The following POLQ variants were observed in gnomAD, a reference collection of about 807,000 sequenced individuals.
POLQ encodes the protein epididymis secretory sperm binding protein.
In POLQ, 233 loss-of-function variants were observed where a neutral mutation model predicts 259.2. The ratio of observed to expected loss-of-function variants is 0.90; its 90% CI spans 0.81 to 1.00. The LOEUF (loss-of-function observed/expected upper bound fraction) is 1.00, where lower values mean the gene tolerates loss of function less well. Among genes scored for constraint, POLQ ranks in the 50% least tolerant of loss-of-function variants. POLQ has a pLI of 0.00. For synonymous variants in POLQ, 1,025 were observed against 1,048.8 expected (o/e 0.98, Z 0.44); for missense variants, 2,871 against 3,051.6 (o/e 0.94, Z 1.39).
chr3:121,493,676 TC>T lies in POLQ; in HGVS notation c.2323del (p.Glu775AsnfsTer28), dbSNP rs770065085. 1 of 1,613,800 alleles carries T rather than the reference TC, an allele frequency of 6.2e-7. No individual in the cohort carries two copies. Among genetic ancestry groups the T allele is most frequent in the South Asian group, 1.1e-5 (1 of 91,066 alleles). ...FSNRLGWHNM[E>X]LLLSQFQKRL... ...CTTCTGAAATTGGGAAAGTAGTAGTTCCATGTTGTGCCAGCCCAGACGGTTG... is the reference window on the plus strand; with the variant it reads ...CTTCTGAAATTGGGAAAGTAGTAGTTCATGTTGTGCCAGCCCAGACGGTTG... On this transcript the variant is annotated frameshift_variant, in exon 15 of 30. Transcript: ENST00000264233. LOFTEE classifies it high-confidence loss of function.
chr3:121,451,624 T>C (rs965001215), intron 25 of POLQ, among the ~76,000 whole-genome samples: 8 of 152,206 alleles, frequency 5.3e-5, no homozygotes, highest in African/African-American at 1.9e-4. Context: ...CCAGCAAATG[T>C]TGCTGCCTGA....
At chr3:121,454,046 T>A (rs952486347) in intron 25 of POLQ, among the ~76,000 whole-genome samples, 5 of 152,166 alleles carry the variant, frequency 3.3e-5, no homozygotes, top group Admixed American at 6.5e-5. Context: ...GCAGAAACTC[T>A]ACAAGCCAGA....
At chr3:121,503,035 T>G (rs925275652) in intron 12 of POLQ, among the ~76,000 whole-genome samples, 14 of 152,176 alleles carry the variant, frequency 9.2e-5, no homozygotes, top group African/African-American at 3.4e-4. Context: ...AATGACAAAC[T>G]GCATATATGA....
rs541693646 is a variant in POLQ at position 121,497,397 on chromosome 3, T to C, written c.2154-465A>G. Among the ~76,000 whole-genome samples, 157 of 152,300 alleles carry C rather than the reference T, an allele frequency of 1.0e-3. 5 individuals are homozygous for C. The South Asian group carries it at 0.02, about 20-fold the overall frequency. Reference sequence around the variant, plus strand: ...AATTTATACTTAACCATATTATAAATAATATATTAGAGACTGTTTTTTAAG... The same window carrying C: ...AATTTATACTTAACCATATTATAAACAATATATTAGAGACTGTTTTTTAAG... On this transcript the variant is annotated intron_variant, in intron 13 of 29. Transcript: ENST00000264233.
At chr3:121,482,671 A>T (rs1000195330) in intron 18 of POLQ, among the ~76,000 whole-genome samples, 1 of 152,082 alleles carries the variant, frequency 6.6e-6, no homozygotes, top group African/African-American at 2.4e-5. Flanking sequence ...CAACTTCCTC[A>T]TAAGACTAGG....
intron 7 of POLQ, among the ~76,000 whole-genome samples, chr3:121,525,219 T>C (rs2048364683): frequency 6.6e-6 from 1 of 151,998 alleles, no homozygotes; most frequent in Non-Finnish European, 1.5e-5. Flanking sequence ...TGGGCACCTG[T>C]AGTCCCAGCT....
At chr3:121,491,391 C>T (rs1476892781) in intron 15 of POLQ, among the ~76,000 whole-genome samples, 8 of 123,596 alleles carry the variant, frequency 6.5e-5, no homozygotes, top group Admixed American at 4.0e-4. Flanking sequence ...AGAAAGAAAA[C>T]GAATGCTTCT....
At chr3:121,544,690 C>T (rs2048516242) in intron 2 of POLQ, 37 bp downstream of exon 2, 1 of 1,368,006 alleles carries the variant, frequency 7.3e-7, no homozygotes. Context: ...ACATTCATAT[C>T]TTAAAAATAG....
At chr3:121,506,540 A>T (rs1054568072) in intron 12 of POLQ, among the ~76,000 whole-genome samples, 1 of 152,184 alleles carries the variant, frequency 6.6e-6, no homozygotes, top group Non-Finnish European at 1.5e-5. Flanking sequence ...AAAAAATGTA[A>T]ACTAAAACTA....
chr3:121,494,170 A>C, intron 14 of POLQ: 1 of 1,044,648 alleles, frequency 9.6e-7, no homozygotes, highest in Admixed American at 1.8e-5. Flanking sequence ...TGTCGTGAAG[A>C]AGCAGGAGGC....
At chr3:121,463,524 CT>C (rs2047810483) in intron 24 of POLQ, among the ~76,000 whole-genome samples, 1 of 152,066 alleles carries the variant, frequency 6.6e-6, no homozygotes, top group African/African-American at 2.4e-5. Context: ...GCAAGTGTTT[CT>C]TTTTTGGCTT....
chr3:121,446,665 A>G (rs549331909), intron 26 of POLQ, among the ~76,000 whole-genome samples: 26 of 152,186 alleles, frequency 1.7e-4, no homozygotes, highest in Admixed American at 3.9e-4. Flanking sequence ...TTGACTCAAA[A>G]GGAGTATTAT....
At chr3:121,544,678 T>C in intron 2 of POLQ, 49 bp downstream of exon 2, 2 of 1,244,846 alleles carry the variant, frequency 1.6e-6, no homozygotes, top group Non-Finnish European at 1.2e-6. Flanking sequence ...AGAGTATTCT[T>C]TACATTCATA....
Position 121,490,121 on chromosome 3 carries a change from T to C in POLQ, c.2810A>G (p.Lys937Arg). ...ACTAAATATTGTGTTACTTTTGTTC[T>C]TTGATGTTAATTTTTTATAAGAACT... ...TKSSYKKLTSKNKSNTIFSDS... is the reference protein window; with the variant it reads ...TKSSYKKLTSRNKSNTIFSDS... Residue 937 changes from lysine (K) to arginine (R), a missense_variant, in exon 16 of 30, where the codon AAG becomes AGG. Around this residue, in one of 3 missense-constraint regions of POLQ, gnomAD observed 2,080 missense variants for 2,126.0 expected, o/e 0.98. Coordinates refer to ENST00000264233, the MANE Select transcript of POLQ (RefSeq NM_199420.4). 2 of 1,607,336 alleles carry C rather than the reference T, an allele frequency of 1.2e-6. No individual in the cohort carries two copies. Among genetic ancestry groups the C allele is most frequent in the Non-Finnish European group, 1.7e-6 (2 of 1,175,436 alleles).
chr3:121,461,649 CAA>C (rs61467705), intron 24 of POLQ, among the ~76,000 whole-genome samples: 48 of 77,928 alleles, frequency 6.2e-4, no homozygotes, highest in Middle Eastern at 0.014. Context: ...GACTCCGTCT[CAA>C]AAAAAAAAAA....
At position 121,539,435 on chromosome 3, in the gene POLQ, A is replaced by G; in HGVS notation, c.629T>C (p.Leu210Ser). Residue 210 changes from leucine to serine, a missense_variant and splice_region_variant, in exon 4 of 30, where the codon TTA becomes TCA. Around this residue, in one of 3 missense-constraint regions of POLQ, gnomAD observed 783 missense variants for 906.2 expected, o/e 0.86. Transcript: ENST00000264233. ...TACTTATTTTCTAACTTTCTTACCT[A>G]ACAGATCCATCTTATTTTCCTCTAT... Reference protein sequence around the residue: ...RLIEENKMDLLGMVVVDELHM... With the variant: ...RLIEENKMDLSGMVVVDELHM... The G allele has an allele frequency of 6.3e-7, 1 of 1,596,656 alleles. No homozygotes were observed. The highest frequency in any genetic ancestry group is 1.1e-5 in the South Asian group (1 of 87,468).
At chr3:121,439,855 T>C in intron 27 of POLQ, 137 bp downstream of exon 27, 2 of 724,152 alleles carry the variant, frequency 2.8e-6, no homozygotes, top group Non-Finnish European at 4.6e-6. Context: ...ATGAAACCAA[T>C]GGTTGACGTT....
At chr3:121,450,907 C>T (rs564876264) in intron 25 of POLQ, among the ~76,000 whole-genome samples, 8 of 152,294 alleles carry the variant, frequency 5.3e-5, no homozygotes, top group African/African-American at 7.2e-5. Flanking sequence ...TCCATTCTCC[C>T]GGTCACTTTC....
Position 121,519,950 on chromosome 3 carries a change from A to G in POLQ, c.1389T>C (p.Ile463=). The G allele has an allele frequency of 3.7e-6, 6 of 1,612,522 alleles. No homozygotes were observed. Among genetic ancestry groups the G allele is most frequent in the Non-Finnish European group, 5.1e-6 (6 of 1,178,620 alleles). The change falls in exon 9 of 30, where the codon ATT becomes ATC. Residue 463 remains isoleucine (I), a synonymous_variant. Transcript: ENST00000264233. ...GAATATCTAGAGGTCGACCACCAAA[A>G]ATAGGGGTTCGAATAATCACACGAC... is the stretch of plus-strand genomic sequence containing the variant. ...PARRVIIRTP[I]FGGRPLDILT... is the part of the protein sequence containing the mutation.
Sources: allele counts gnomAD v4.1 joint callset (sites outside exome capture counted in the v4.1 genomes callset), GRCh38; gene constraint gnomAD v4.1.1; regional missense constraint gnomAD v4.1.1; transcripts MANE v1.5; gene names NCBI Gene and HGNC (gene_info 2026-07-23, HGNC 2026-07-21).